Variants in EDC4 observed in about 807,000 individuals in gnomAD.
The protein encoded by EDC4 is enhancer of mRNA decapping 4, also known as enhancer of mRNA-decapping protein 4.
EDC4 carries 64 observed loss-of-function variants against 155.8 expected under a neutral mutation model. That is an observed-to-expected ratio of 0.41 (90% confidence interval 0.34 to 0.51). The LOEUF is 0.51. EDC4 is among the 20% of genes least tolerant of loss of function. EDC4 has a pLI of 0.19. For missense variants in EDC4, 1,303 were observed against 1,812.5 expected (o/e 0.72, Z 5.10); for synonymous variants, 684 against 716.8 (o/e 0.95, Z 0.73).
rs758722706 is a variant in EDC4 at position 67,878,467 on chromosome 16, G to A, written c.1088+24G>A. 4 of 1,614,180 alleles carry A rather than the reference G, an allele frequency of 2.5e-6. No homozygotes were observed. The Admixed American group carries it at 6.7e-5, about 27-fold the overall frequency. Reference sequence around the variant, plus strand: ...GAGTGAGTGAGTGGGCAGCCTAGTGGGTGGTGGGCTGGACCATGGCTCCCA... The same window carrying A: ...GAGTGAGTGAGTGGGCAGCCTAGTGAGTGGTGGGCTGGACCATGGCTCCCA... On this transcript the variant is annotated intron_variant, in intron 9 of 28. Coordinates refer to ENST00000358933, the MANE Select transcript of EDC4 (RefSeq NM_014329.5). The surrounding 1 kb of genome is among the most constrained non-coding windows in gnomAD (Gnocchi z 5.2).
rs2058067557 is a variant in EDC4, at chr16:67,881,416, G to C, written c.2788G>C (p.Gly930Arg). 1 of 1,613,992 alleles carries C rather than the reference G, an allele frequency of 6.2e-7. No individual in the cohort carries two copies. The highest frequency in any genetic ancestry group is 2.2e-5 in the East Asian group (1 of 44,896). ...CAAGAGGAAAAGCAAGAAGGATGAT[G>C]GGTAGGGAGAAATCCTAGGGAGGGA... ...KLKRKSKKDD[G>R]DAAMGSRLTE... Residue 930 changes from glycine to arginine, a missense_variant and splice_region_variant, in exon 20 of 29, where the codon GGG (glycine) becomes CGG (arginine). Around this residue, in one of 5 missense-constraint regions of EDC4, gnomAD observed 527 missense variants for 757.0 expected, o/e 0.70. Transcript: ENST00000358933. This position sits in a 1 kb window ranked among gnomAD's most constrained non-coding sequence, Gnocchi z 5.4.
intron 1 of EDC4, chr16:67,875,733 C>G (rs2058038716): frequency 8.7e-6 from 12 of 1,372,300 alleles, no homozygotes; most frequent in Non-Finnish European, 1.1e-5. Context: ...GTACCCCTCC[C>G]CCAGGTAGAA....
rs763736447 is a variant in EDC4 at position 67,882,199 on chromosome 16, T to C, written c.3161-13T>C. 14 of 1,613,388 alleles carry C rather than the reference T, an allele frequency of 8.7e-6. No homozygotes were observed. Among genetic ancestry groups the C allele is most frequent in the Admixed American group, 1.7e-5 (1 of 59,850 alleles). On this transcript the variant is annotated splice_polypyrimidine_tract_variant and intron_variant, in intron 23 of 28. Transcript: ENST00000358933. This position sits in a 1 kb window ranked among gnomAD's most constrained non-coding sequence, Gnocchi z 7.2. ...TTCTCATGGCTCCACCTCACCCTCT[T>C]CCCCTCTCCCAGGTGTCTCAAGGAG...
chr16:67,879,788 G>A lies in EDC4; in HGVS notation c.1821+14G>A, dbSNP rs763434795. ...TCCTTGCAGCAGGTACTCTCCCAGG[G>A]TAGGGGGACCTGGGAATGCCTCAGC... On this transcript the variant is annotated intron_variant, in intron 15 of 28. Transcript: ENST00000358933. The surrounding 1 kb of genome is among the most constrained non-coding windows in gnomAD (Gnocchi z 6.0). 3.3e-5 allele frequency: 53 copies of A among 1,613,614 alleles called. 1 individual carries two copies. Among genetic ancestry groups the A allele is most frequent in the South Asian group, 1.3e-4 (12 of 91,074 alleles).
chr16:67,878,670 C>T lies in EDC4; in HGVS notation c.1184+39C>T, dbSNP rs770311390. 1.4e-4 allele frequency: 227 copies of T among 1,614,022 alleles called. No homozygotes were observed. The East Asian group carries it at 1.7e-3, about 12-fold the overall frequency. On this transcript the variant is annotated intron_variant, in intron 10 of 28. Transcript: ENST00000358933. This position sits in a 1 kb window ranked among gnomAD's most constrained non-coding sequence, Gnocchi z 5.2. ...GGAAGGCTGGGGGACTGGGCAGGGGCGGCAGGGTTGGGAATGTAGCTTCCT... is the reference window on the plus strand; with the variant it reads ...GGAAGGCTGGGGGACTGGGCAGGGGTGGCAGGGTTGGGAATGTAGCTTCCT...
chr16:67,876,150 CT>C lies in EDC4; in HGVS notation c.239+50del, dbSNP rs763826355. On this transcript the variant is annotated intron_variant, in intron 2 of 28. Transcript: ENST00000358933. The surrounding 1 kb of genome is among the most constrained non-coding windows in gnomAD (Gnocchi z 5.8). ...AGTGGTGATGGTGTATTTGGGGTGT[CT>C]GCTAGCTGAAGGCATGAGATGGGGA... is the stretch of plus-strand genomic sequence containing the variant. The C allele has an allele frequency of 6.3e-7, 1 of 1,582,198 alleles. No homozygotes were observed. Among genetic ancestry groups the C allele is most frequent in the South Asian group, 1.1e-5 (1 of 89,244 alleles).
At position 67,880,195 on chromosome 16, in the gene EDC4, G is replaced by A. The variant is rs2058060383; in HGVS notation, c.2076G>A (p.Leu692=). Reference sequence around the variant, plus strand: ...TGCTCCCAGCCCCAGCTGACAAACTGACTCCCAAGGGGCCGGGCCAGGTGT... The same window carrying A: ...TGCTCCCAGCCCCAGCTGACAAACTAACTCCCAAGGGGCCGGGCCAGGTGT... The part of the protein sequence containing the change: ...PGLLPAPADK[L]TPKGPGQVPT... Residue 692 remains leucine (L), a synonymous_variant, in exon 17 of 29, where the codon CTG becomes CTA. Coordinates refer to ENST00000358933, the MANE Select transcript of EDC4 (RefSeq NM_014329.5). The surrounding 1 kb of genome is among the most constrained non-coding windows in gnomAD (Gnocchi z 5.2). 1.2e-6 allele frequency: 2 copies of A among 1,609,820 alleles called. No homozygotes were observed. The highest frequency in any genetic ancestry group is 1.3e-5 in the African/African-American group (1 of 74,972).
In EDC4 at chr16:67,882,886, G is replaced by T; in HGVS notation, c.3629+21G>T. 6.2e-7 allele frequency: 1 copy of T among 1,614,104 alleles called. No homozygotes were observed. The highest frequency in any genetic ancestry group is 8.5e-7 in the Non-Finnish European group (1 of 1,179,986). On this transcript the variant is annotated intron_variant, in intron 26 of 28. Transcript: ENST00000358933. The surrounding 1 kb of genome is among the most constrained non-coding windows in gnomAD (Gnocchi z 7.2). Reference sequence around the variant, plus strand: ...GGCAGGTGTGTGGGCAGAGTACTGGGCAAGGTGGTGGGCTTGAGAAAGGCC... The same window carrying T: ...GGCAGGTGTGTGGGCAGAGTACTGGTCAAGGTGGTGGGCTTGAGAAAGGCC...
Position 67,878,150 on chromosome 16 carries a change from T to C in EDC4, c.895-16T>C, listed in dbSNP as rs774320260. ...TTCTCACCTCTAGTCAGCAAAGCTTTTTGGGTTCTTTCTAGTGCCTCAGTG... is the reference window on the plus strand; with the variant it reads ...TTCTCACCTCTAGTCAGCAAAGCTTCTTGGGTTCTTTCTAGTGCCTCAGTG... On this transcript the variant is annotated splice_polypyrimidine_tract_variant and intron_variant, in intron 7 of 28. Coordinates refer to ENST00000358933, the MANE Select transcript of EDC4 (RefSeq NM_014329.5). This position sits in a 1 kb window ranked among gnomAD's most constrained non-coding sequence, Gnocchi z 5.2. 2 of 1,614,102 alleles carry C rather than the reference T, an allele frequency of 1.2e-6. No individual in the cohort carries two copies. The highest frequency in any genetic ancestry group is 3.3e-5 in the Admixed American group (2 of 60,016).
Position 67,878,688 on chromosome 16 carries a change from AG to A in EDC4, c.1185-48del, listed in dbSNP as rs775923489. 6.2e-7 allele frequency: 1 copy of A among 1,614,120 alleles called. No homozygotes were observed. The highest frequency in any genetic ancestry group is 8.5e-7 in the Non-Finnish European group (1 of 1,180,008). Reference sequence around the variant, plus strand: ...GCAGGGGCGGCAGGGTTGGGAATGTAGCTTCCTTCAGTTCTCAGGCTCATTC... The same window carrying A: ...GCAGGGGCGGCAGGGTTGGGAATGTACTTCCTTCAGTTCTCAGGCTCATTC... On this transcript the variant is annotated intron_variant, in intron 10 of 28. Coordinates refer to ENST00000358933, the MANE Select transcript of EDC4 (RefSeq NM_014329.5). The surrounding 1 kb of genome is among the most constrained non-coding windows in gnomAD (Gnocchi z 5.2).
chr16:67,878,718 C>G lies in EDC4; in HGVS notation c.1185-19C>G. 1 of 1,614,200 alleles carries G rather than the reference C, an allele frequency of 6.2e-7. No homozygotes were observed. The highest frequency in any genetic ancestry group is 1.3e-5 in the African/African-American group (1 of 75,054). On this transcript the variant is annotated intron_variant, in intron 10 of 28. Coordinates refer to ENST00000358933, the MANE Select transcript of EDC4 (RefSeq NM_014329.5). The surrounding 1 kb of genome is among the most constrained non-coding windows in gnomAD (Gnocchi z 5.2). ...CCTTCAGTTCTCAGGCTCATTCACT[C>G]TGCTTTGTGGCTCTCTAGCTTCTCC... is the stretch of plus-strand genomic sequence containing the variant.
At chr16:67,875,815 T>C in intron 1 of EDC4, 130 bp from the exon 2 acceptor site, 1 of 1,492,192 alleles carries the variant, frequency 6.7e-7, no homozygotes, top group East Asian at 2.3e-5. Flanking sequence ...AGGGCCCTCC[T>C]CCTCATGGAC....
Position 67,877,346 on chromosome 16 carries a change from G to C in EDC4, c.581G>C (p.Cys194Ser). ...CACCTCAACTCTCCACAGCTGGCCT[G>C]CCTGGATGAGGCAGGCAACCTGTTC... ...FAHLNSPQLA[C>S]LDEAGNLFVW... Residue 194 changes from cysteine to serine, a missense_variant, in exon 5 of 29, where the codon TGC becomes TCC. Coordinates refer to ENST00000358933, the MANE Select transcript of EDC4 (RefSeq NM_014329.5). This position sits in a 1 kb window ranked among gnomAD's most constrained non-coding sequence, Gnocchi z 4.9. The C allele has an allele frequency of 6.2e-7, 1 of 1,614,060 alleles. No individual in the cohort carries two copies. The highest frequency in any genetic ancestry group is 8.5e-7 in the Non-Finnish European group (1 of 1,180,034).
rs764519412 is a variant in EDC4 at position 67,880,640 on chromosome 16, T to C, written c.2181T>C (p.Thr727=). 6.2e-7 allele frequency: 1 copy of C among 1,614,146 alleles called. No individual in the cohort carries two copies. The highest frequency in any genetic ancestry group is 8.5e-7 in the Non-Finnish European group (1 of 1,180,010). Residue 727 remains threonine (T), a synonymous_variant, in exon 18 of 29, where the codon ACT becomes ACC. Transcript: ENST00000358933. This position sits in a 1 kb window ranked among gnomAD's most constrained non-coding sequence, Gnocchi z 5.2. Reference sequence around the variant, plus strand: ...TACCCCAAGCCTCCCCTAGCCGCACTCGTTCCCCTGATGTCATCTCCTCAG... The same window carrying C: ...TACCCCAAGCCTCCCCTAGCCGCACCCGTTCCCCTGATGTCATCTCCTCAG... The part of the protein sequence containing the change: ...LGLPQASPSR[T]RSPDVISSAS...
rs2058045017 is a variant in EDC4, at chr16:67,877,094, G to T, written c.451+122G>T. On this transcript the variant is annotated intron_variant, in intron 4 of 28. Transcript: ENST00000358933. The surrounding 1 kb of genome is among the most constrained non-coding windows in gnomAD (Gnocchi z 4.9). ...AGGTTTGTCCATGCTGCCTCTTGGG[G>T]AGCTGGGTGGGAAAACCAAGCTTGA... 6.5e-7 allele frequency: 1 copy of T among 1,534,892 alleles called. No homozygotes were observed. The highest frequency in any genetic ancestry group is 2.0e-5 in the Admixed American group (1 of 51,256).
intron 1 of EDC4, chr16:67,875,735 C>G (rs1483089067): frequency 1.5e-6 from 2 of 1,373,258 alleles, no homozygotes; most frequent in Non-Finnish European, 1.9e-6. Context: ...ACCCCTCCCC[C>G]AGGTAGAAGA....
In EDC4 at chr16:67,882,751, C is replaced by A; in HGVS notation, c.3515C>A (p.Ala1172Asp). 6.2e-7 allele frequency: 1 copy of A among 1,614,248 alleles called. No homozygotes were observed. Among genetic ancestry groups the A allele is most frequent in the African/African-American group, 1.3e-5 (1 of 75,066 alleles). ...REQEAREPVL[A>D]QLRGLVSTLQ... ...CAGGAGGCCAGGGAGCCTGTGCTAG[C>A]CCAGCTGCGGGGCCTGGTCAGCACA... Residue 1172 changes from alanine to aspartate, a missense_variant, in exon 26 of 29, where the codon GCC (alanine) becomes GAC (aspartate). Ala to Asp is a moderately radical substitution (Grantham distance 126). Coordinates refer to ENST00000358933, the MANE Select transcript of EDC4 (RefSeq NM_014329.5). This position sits in a 1 kb window ranked among gnomAD's most constrained non-coding sequence, Gnocchi z 7.2.
chr16:67,876,659 C>G lies in EDC4; in HGVS notation c.351+60C>G. 6.3e-7 allele frequency: 1 copy of G among 1,594,228 alleles called. No individual in the cohort carries two copies. The highest frequency in any genetic ancestry group is 8.6e-7 in the Non-Finnish European group (1 of 1,168,324). The stretch of plus-strand genomic sequence containing the variant: ...CGGGGGCACACCCAGCCTTTCCAGT[C>G]TCCCTCATGCTGCCAGTTCCTATGG... On this transcript the variant is annotated intron_variant, in intron 3 of 28. Transcript: ENST00000358933. The surrounding 1 kb of genome is among the most constrained non-coding windows in gnomAD (Gnocchi z 5.8).
chr16:67,875,914 A>G, intron 1 of EDC4, 31 bp from the exon 2 acceptor site: 2 of 1,603,556 alleles, frequency 1.2e-6, no homozygotes, highest in East Asian at 2.2e-5. Flanking sequence ...AGGTCGAGCA[A>G]CCTTATCAGA....
Sources: gnomAD v4.1 joint callset for allele counts on GRCh38, gnomAD v4.1.1 for gene constraint, gnomAD v4.1.1 regional missense constraint, Gnocchi (gnomAD v3.1) non-coding constraint, MANE v1.5 for transcripts, NCBI Gene and HGNC (gene_info 2026-07-23, HGNC 2026-07-21) for gene names.